DNAAF11: variants seen among roughly 807,000 people sequenced by gnomAD.
DNAAF11 encodes dynein axonemal assembly factor 11.
A neutral mutation model predicts 60.8 loss-of-function variants in DNAAF11; 45 were observed. The ratio of observed to expected loss-of-function variants is 0.74; its 90% confidence interval spans 0.58 to 0.95. The LOEUF is 0.95. DNAAF11 is among the 40% of genes least tolerant of loss of function. The pLI, the probability that DNAAF11 is intolerant of heterozygous loss-of-function variation, is 0.00. For missense variants in DNAAF11, 546 were observed against 546.2 expected (o/e 1.00, Z 0.00); for synonymous variants, 191 against 183.5 (o/e 1.04, Z -0.33).
rs150025837 is a variant in DNAAF11, at chr8:132,630,861, C to A, written c.653+1879G>T. On this transcript the variant is annotated intron_variant, in intron 5 of 11. Transcript: ENST00000620350. ...TATACTACACAACACACTTGATTGG[C>A]CAATATTTTTAAATATCATATTATC... Among the ~76,000 whole-genome samples, 1,478 of 152,134 alleles carry A rather than the reference C, an allele frequency of 9.7e-3. 24 individuals carry two copies. Among genetic ancestry groups the A allele is most frequent in the African/African-American group, 0.034 (1,415 of 41,468 alleles).
chr8:132,641,978 T>TAA (rs1395956807), intron 3 of DNAAF11, among the ~76,000 whole-genome samples: 1 of 152,130 alleles, frequency 6.6e-6, no homozygotes, highest in South Asian at 2.1e-4. Flanking sequence ...TACAACAATG[T>TAA]AAAAGACAGA....
the DNAAF11 span, among the ~76,000 whole-genome samples, chr8:132,686,347 G>A: frequency 6.6e-6 from 1 of 152,178 alleles, no homozygotes; most frequent in Non-Finnish European, 1.5e-5. Context: ...GAATGGAAGG[G>A]TTGGTCAGGA....
In DNAAF11 at chr8:132,622,590, G is replaced by A. The variant is rs373766692; in HGVS notation, c.914+21C>T. 18 of 1,593,130 alleles carry A rather than the reference G, an allele frequency of 1.1e-5. No individual in the cohort carries two copies. In the Middle Eastern group the frequency reaches 8.3e-4, roughly 73 times the overall value. On this transcript the variant is annotated intron_variant, in intron 7 of 11. Transcript: ENST00000620350. ...TGACTGACACTTTTGGGTCTTTAACGCTCTATTTGGCCTCACATACTTGGG... is the reference window on the plus strand; with the variant it reads ...TGACTGACACTTTTGGGTCTTTAACACTCTATTTGGCCTCACATACTTGGG...
intron 10 of DNAAF11, among the ~76,000 whole-genome samples, chr8:132,592,069 TCC>T (rs1428215743): frequency 2.6e-5 from 4 of 152,172 alleles, no homozygotes; most frequent in African/African-American, 9.7e-5. Flanking sequence ...ATAGCCAATA[TCC>T]TCCAATTTTA....
the DNAAF11 span, among the ~76,000 whole-genome samples, chr8:132,692,967 T>C: frequency 6.6e-6 from 1 of 152,200 alleles, no homozygotes; most frequent in Non-Finnish European, 1.5e-5. Flanking sequence ...TGCATGTATC[T>C]ATAAGGAGCA....
intron 1 of DNAAF11, among the ~76,000 whole-genome samples, chr8:132,674,004 GAGA>G (rs1277792406): frequency 2.0e-5 from 3 of 151,534 alleles, no homozygotes; most frequent in Non-Finnish European, 4.4e-5. Context: ...GAAGAAGAAG[GAGA>G]AGGAGAAGGA....
At chr8:132,641,640 G>GGA (rs1821866505) in intron 3 of DNAAF11, among the ~76,000 whole-genome samples, 1 of 152,108 alleles carries the variant, frequency 6.6e-6, no homozygotes, top group Non-Finnish European at 1.5e-5. Flanking sequence ...AGTTGGCTCA[G>GGA]GTGAAAACTA....
At chr8:132,626,664 C>T (rs2130353873) in intron 5 of DNAAF11, among the ~76,000 whole-genome samples, 1 of 152,304 alleles carries the variant, frequency 6.6e-6, no homozygotes, top group Non-Finnish European at 1.5e-5. Flanking sequence ...AAAATGACAT[C>T]ATTTAAGCGA....
At chr8:132,649,000 G>GAA (rs753733934) in intron 3 of DNAAF11, among the ~76,000 whole-genome samples, 12 of 152,260 alleles carry the variant, frequency 7.9e-5, no homozygotes, top group Non-Finnish European at 1.5e-4. Flanking sequence ...CACAGAATTG[G>GAA]AAAAAACTAC....
intron 1 of DNAAF11, among the ~76,000 whole-genome samples, chr8:132,672,888 A>T (rs997949744): frequency 1.3e-5 from 2 of 152,132 alleles, no homozygotes; most frequent in African/African-American, 2.4e-5. Context: ...TCCCCTCCTC[A>T]TCTCTAAAAT....
At chr8:132,699,174 T>G in the DNAAF11 span, among the ~76,000 whole-genome samples, 1 of 150,848 alleles carries the variant, frequency 6.6e-6, no homozygotes, top group Non-Finnish European at 1.5e-5. Flanking sequence ...AATGAGATAG[T>G]TGTGTGACCA....
chr8:132,616,515 G>A (rs1325450900), intron 7 of DNAAF11, among the ~76,000 whole-genome samples: 1 of 152,088 alleles, frequency 6.6e-6, no homozygotes. Context: ...ATAAAATGAG[G>A]GAGAGAAGAA....
rs1824781424 is a variant in DNAAF11 at position 132,667,834 on chromosome 8, G to A, written c.11-6207C>T. On this transcript the variant is annotated intron_variant, in intron 1 of 11. Coordinates refer to ENST00000620350, the MANE Select transcript of DNAAF11 (RefSeq NM_012472.6). ...AGCAAAATGACTTTGCAGGGAGCAG[G>A]GACAGAGGGCACGGTGAGGAGGTTT... Among the ~76,000 whole-genome samples the A allele has an allele frequency of 3.9e-5, 6 of 152,110 alleles. No homozygotes were observed. In the South Asian group the frequency reaches 1.2e-3, roughly 32 times the overall value.
rs146767244 is a variant in DNAAF11, at chr8:132,627,320, A to G, written c.654-1866T>C. Among the ~76,000 whole-genome samples the G allele has an allele frequency of 2.0e-3, 308 of 152,366 alleles. 1 individual carries two copies. Among genetic ancestry groups the G allele is most frequent in the Admixed American group, 4.4e-3 (67 of 15,304 alleles). Reference sequence around the variant, plus strand: ...AAAAATAACAGTACTTAAGAAATTTATCAGAGATATGAGCTAAATAACATA... The same window carrying G: ...AAAAATAACAGTACTTAAGAAATTTGTCAGAGATATGAGCTAAATAACATA... On this transcript the variant is annotated intron_variant, in intron 5 of 11. Transcript: ENST00000620350.
intron 1 of DNAAF11, among the ~76,000 whole-genome samples, chr8:132,662,649 C>T (rs1345959164): frequency 6.6e-6 from 1 of 152,150 alleles, no homozygotes; most frequent in Middle Eastern, 3.2e-3. Context: ...GGAAGTAAAG[C>T]ACAGAGAGTT....
At chr8:132,620,985 TA>T (rs1819702204) in intron 7 of DNAAF11, among the ~76,000 whole-genome samples, 1 of 152,122 alleles carries the variant, frequency 6.6e-6, no homozygotes, top group East Asian at 1.9e-4. Flanking sequence ...AGACTGATAA[TA>T]GCAGGAGAGG....
rs1563992420 is a variant in DNAAF11 at position 132,595,347 on chromosome 8, G to GAAA, written c.1141-11569_1141-11568insTTT. On this transcript the variant is annotated intron_variant, in intron 10 of 11. Coordinates refer to ENST00000620350, the MANE Select transcript of DNAAF11 (RefSeq NM_012472.6). ...TTCCCGAAAGAGAGAGAGACAGAGG[G>GAAA]GAAAAAAAAAAAAAAAAAAAAAAAA... Among the ~76,000 whole-genome samples, 240 of 40,674 alleles carry GAAA rather than the reference G, an allele frequency of 5.9e-3. 111 individuals are homozygous for GAAA. Among genetic ancestry groups the GAAA allele is most frequent in the South Asian group, 0.015 (10 of 686 alleles). 26.7% of individuals were successfully genotyped at this position (40,674 alleles called of 152,430 possible).
At position 132,572,395 on chromosome 8, in the gene DNAAF11, T is replaced by A. The variant is rs1814292487; in HGVS notation, c.1312A>T (p.Thr438Ser). The change falls in exon 12 of 12, where the codon ACA becomes TCA. Residue 438 changes from threonine (T) to serine (S), a missense_variant. By Grantham distance (58) the Thr-to-Ser change is moderately conservative. Coordinates refer to ENST00000620350, the MANE Select transcript of DNAAF11 (RefSeq NM_012472.6). ...TTGGGTTCAGGTCGTCTTCTGGGTG[T>A]GTGTTTTTTCTCTTGAACTATGTTA... ...VTNIVQEKKHTPRRRPEPKII... is the reference protein window; with the variant it reads ...VTNIVQEKKHSPRRRPEPKII... 5 of 1,613,890 alleles carry A rather than the reference T, an allele frequency of 3.1e-6. No homozygotes were observed. The East Asian group carries it at 1.1e-4, about 36-fold the overall frequency.
intron 1 of DNAAF11, among the ~76,000 whole-genome samples, chr8:132,668,742 C>G (rs1267553691): frequency 1.3e-5 from 2 of 152,136 alleles, no homozygotes; most frequent in African/African-American, 4.8e-5. Flanking sequence ...GCGCCCGGCC[C>G]TGAGCTGAAT....
Sources: gnomAD v4.1 joint callset for allele counts (sites outside exome capture counted in the v4.1 genomes callset) on GRCh38, gnomAD v4.1.1 for gene constraint, MANE v1.5 for transcripts, NCBI Gene and HGNC (gene_info 2026-07-23, HGNC 2026-07-21) for gene names.